Variants in PSG3 observed in about 807,000 individuals in gnomAD.
PSG3 encodes the protein pregnancy-specific beta-1-glycoprotein 3.
A neutral mutation model predicts 47.5 loss-of-function variants in PSG3; 61 were observed. The ratio of observed to expected loss-of-function variants is 1.28; its 90% CI spans 1.05 to 1.59. PSG3 has a LOEUF of 1.59. Among genes scored for constraint, PSG3 ranks in the 40% most tolerant of loss-of-function variants. PSG3 has a pLI of 0.00. For missense variants in PSG3, 756 were observed against 524.0 expected (o/e 1.44, Z -4.32); for synonymous variants, 263 against 198.4 (o/e 1.33, Z -2.74).
intron 6 of PSG3, 45 bp from the exon 7 acceptor site, chr19:42,722,135 T>C (rs895432349): frequency 4.9e-6 from 2 of 407,576 alleles, no homozygotes; most frequent in African/African-American, 4.1e-5. Context: ...AAAAATCTAA[T>C]GAGAATTTAT....
chr19:42,725,583 G>C, intron 5 of PSG3, among the ~76,000 whole-genome samples: 1 of 152,128 alleles, frequency 6.6e-6, no homozygotes, highest in Non-Finnish European at 1.5e-5. Flanking sequence ...AATGGACTCT[G>C]AGCATGGTGG....
chr19:42,728,977 A>C lies in PSG3; in HGVS notation c.1243+146T>G. The C allele has an allele frequency of 1.9e-6, 3 of 1,558,316 alleles. No homozygotes were observed. The Admixed American group carries it at 5.8e-5, about 30-fold the overall frequency. ...AGGAGAAGAGAGTCTGTAGAGACAAATTGGGAGGGTTCAGGAGGAGAATTT... is the reference window on the plus strand; with the variant it reads ...AGGAGAAGAGAGTCTGTAGAGACAACTTGGGAGGGTTCAGGAGGAGAATTT... On this transcript the variant is annotated intron_variant, in intron 5 of 6. Coordinates refer to ENST00000327495, the MANE Select transcript of PSG3 (RefSeq NM_021016.4).
chr19:42,739,129 T>G (rs779852171), intron 1 of PSG3, 40 bp from the exon 2 acceptor site: 1 of 1,561,762 alleles, frequency 6.4e-7, no homozygotes, highest in East Asian at 2.2e-5. Context: ...TTGAGACCTA[T>G]GCATTGGGGT....
intron 3 of PSG3, 177 bp downstream of exon 3, chr19:42,732,607 A>G (rs1481258124): frequency 7.0e-7 from 1 of 1,429,482 alleles, no homozygotes; most frequent in African/African-American, 1.4e-5. Flanking sequence ...CTTTTCTCCT[A>G]TTGTTGATCA....
At chr19:42,725,890 C>CAAAAAAAAAAAAAAAAAAAAA (rs200684147) in intron 5 of PSG3, among the ~76,000 whole-genome samples, 20 of 68,032 alleles carry the variant, frequency 2.9e-4, no homozygotes, top group African/African-American at 1.1e-3. Context: ...CAACAACAAC[C>CAAAAAAAAAAAAAAAAAAAAA]AAAAAAAAAA....
chr19:42,726,586 G>A (rs898120196), intron 5 of PSG3, among the ~76,000 whole-genome samples: 2 of 151,968 alleles, frequency 1.3e-5, no homozygotes, highest in African/African-American at 4.8e-5. Context: ...TAACCAAAGA[G>A]GTAAAATGAT....
At position 42,736,423 on chromosome 19, in the gene PSG3, C is replaced by T. The variant is rs145943136; in HGVS notation, c.430+2301G>A. Among the ~76,000 whole-genome samples, 426 of 152,216 alleles carry T rather than the reference C, an allele frequency of 2.8e-3. 1 individual carries two copies. Among genetic ancestry groups the T allele is most frequent in the Admixed American group, 5.7e-3 (87 of 15,292 alleles). On this transcript the variant is annotated intron_variant, in intron 2 of 6. Transcript: ENST00000327495. ...CACAAACAGATCATTTCCCTCCGCC[C>T]GCATGATTCCATCACCAATCAGCAG...
At chr19:42,737,052 C>G (rs1266262708) in intron 2 of PSG3, among the ~76,000 whole-genome samples, 2 of 152,074 alleles carry the variant, frequency 1.3e-5, no homozygotes, top group Non-Finnish European at 2.9e-5. Flanking sequence ...CAGAGAGAGG[C>G]AGAGACACCA....
At chr19:42,730,344 C>T (rs1969452789) in intron 3 of PSG3, among the ~76,000 whole-genome samples, 2 of 152,142 alleles carry the variant, frequency 1.3e-5, no homozygotes, top group South Asian at 4.1e-4. Context: ...TGGTACCCCT[C>T]CCAGTCCCTC....
chr19:42,731,022 T>C lies in PSG3; in HGVS notation c.710-966A>G, dbSNP rs576690523. ...TTGGACATTCTACTCAATGATTCCATGGGTTCGACTACTCTAGGGACCTCA... is the reference window on the plus strand; with the variant it reads ...TTGGACATTCTACTCAATGATTCCACGGGTTCGACTACTCTAGGGACCTCA... On this transcript the variant is annotated intron_variant, in intron 3 of 6. Coordinates refer to ENST00000327495, the MANE Select transcript of PSG3 (RefSeq NM_021016.4). Among the ~76,000 whole-genome samples, 19 of 152,324 alleles carry C rather than the reference T, an allele frequency of 1.2e-4. 1 individual carries two copies. The highest frequency in any genetic ancestry group is 1.2e-3 in the Admixed American group (18 of 15,300).
rs371424649 is a variant in PSG3, at chr19:42,729,989, G to A, written c.777C>T (p.Ala259=). 380 of 1,612,144 alleles carry A rather than the reference G, an allele frequency of 2.4e-4. No homozygotes were observed. The highest frequency in any genetic ancestry group is 3.0e-4 in the Non-Finnish European group (349 of 1,179,824). ...TCTCACTCTTAGGTTCACAGGTGAA[G>A]GCTAAGACATCCTTATTCTCCCTGG... The part of the protein sequence containing the change: ...LNPRENKDVL[A]FTCEPKSENY... The change falls in exon 4 of 7, where the codon GCC becomes GCT. Residue 259 remains alanine (A), a synonymous_variant. Transcript: ENST00000327495.
chr19:42,727,936 C>A (rs1465294838), intron 5 of PSG3, among the ~76,000 whole-genome samples: 1 of 152,144 alleles, frequency 6.6e-6, no homozygotes, highest in South Asian at 2.1e-4. Flanking sequence ...TGTTGTTCAA[C>A]CTTAACAAGG....
At chr19:42,734,584 G>A (rs1445757206) in intron 2 of PSG3, among the ~76,000 whole-genome samples, 3 of 152,184 alleles carry the variant, frequency 2.0e-5, no homozygotes, top group Non-Finnish European at 4.4e-5. Context: ...AAACATCTAA[G>A]ATCAATTGCT....
intron 3 of PSG3, among the ~76,000 whole-genome samples, chr19:42,731,306 C>T (rs1212043995): frequency 1.3e-5 from 2 of 152,220 alleles, no homozygotes; most frequent in Non-Finnish European, 2.9e-5. Flanking sequence ...ACTGGTTTAG[C>T]ATCCCAAATC....
At chr19:42,727,333 A>G (rs949188201) in intron 5 of PSG3, among the ~76,000 whole-genome samples, 3 of 152,172 alleles carry the variant, frequency 2.0e-5, no homozygotes, top group African/African-American at 7.2e-5. Flanking sequence ...AACCCACGAA[A>G]TGATAAAAAT....
At position 42,729,278 on chromosome 19, in the gene PSG3, T is replaced by A. The variant is rs1208383013; in HGVS notation, c.1088A>T (p.Glu363Val). The change falls in exon 5 of 7, where the codon GAA becomes GTA. Residue 363 changes from glutamate to valine, a missense_variant. Physicochemically the swap from Glu to Val is moderately radical, Grantham distance 121 (BLOSUM62 -2). Coordinates refer to ENST00000327495, the MANE Select transcript of PSG3 (RefSeq NM_021016.4). ...SCFADSNPPAEYSWTINGKFQ... is the reference protein window; with the variant it reads ...SCFADSNPPAVYSWTINGKFQ... ...CTTCCCATTAATTGTCCAAGAATAT[T>A]CTGCTGGTGGGTTAGAGTCCGCGAA... is the stretch of plus-strand genomic sequence containing the variant. 1.4e-5 allele frequency: 22 copies of A among 1,614,108 alleles called. No individual in the cohort carries two copies. The highest frequency in any genetic ancestry group is 1.8e-5 in the Non-Finnish European group (21 of 1,179,964).
At position 42,736,910 on chromosome 19, in the gene PSG3, G is replaced by A. The variant is rs147973425; in HGVS notation, c.430+1814C>T. On this transcript the variant is annotated intron_variant, in intron 2 of 6. Coordinates refer to ENST00000327495, the MANE Select transcript of PSG3 (RefSeq NM_021016.4). ...AGGTGGGCCAGGCCACAGTGTTAGC[G>A]GGAAGGGAACTGAACAGTCAGCCTA... Among the ~76,000 whole-genome samples the A allele has an allele frequency of 5.9e-5, 9 of 152,250 alleles. No homozygotes were observed. In the East Asian group the frequency reaches 1.2e-3, roughly 20 times the overall value.
chr19:42,726,650 A>C (rs1216487420), intron 5 of PSG3, among the ~76,000 whole-genome samples: 1 of 152,214 alleles, frequency 6.6e-6, no homozygotes, highest in African/African-American at 2.4e-5. Flanking sequence ...GACATCAATA[A>C]ATTGAAAGAC....
At chr19:42,735,068 C>T (rs1202963321) in intron 2 of PSG3, among the ~76,000 whole-genome samples, 1 of 152,200 alleles carries the variant, frequency 6.6e-6, no homozygotes, top group East Asian at 1.9e-4. Flanking sequence ...GCAGTAAAGC[C>T]ATCAGATAGC....
Sources: gnomAD v4.1 joint callset for allele counts (sites outside exome capture counted in the v4.1 genomes callset) on GRCh38, gnomAD v4.1.1 for gene constraint, MANE v1.5 for transcripts, NCBI Gene and HGNC (gene_info 2026-07-23, HGNC 2026-07-21) for gene names.